The following SFXN1 variants were observed in gnomAD, a reference collection of about 807,000 sequenced individuals.
SFXN1 encodes sideroflexin 1.
Under a neutral mutation model 39.5 loss-of-function variants are expected in SFXN1, and 32 were observed. The observed-to-expected ratio is 0.81, with a 90% CI of 0.61 to 1.09. The LOEUF is 1.09. Ranked by LOEUF, SFXN1 falls within the 50% of genes least tolerant of loss-of-function variation. The pLI is 0.00. For synonymous variants in SFXN1, 136 were observed against 146.5 expected (o/e 0.93, Z 0.52); for missense variants, 402 against 407.1 (o/e 0.99, Z 0.11).
At chr5:175,507,045 G>A (rs558772432) in intron 2 of SFXN1, among the ~76,000 whole-genome samples, 22 of 152,272 alleles carry the variant, frequency 1.4e-4, no homozygotes, top group Admixed American at 1.2e-3. Context: ...TGATATCAAG[G>A]TGTCAACAGG....
intron 6 of SFXN1, 31 bp downstream of exon 6, chr5:175,512,227 A>G (rs1051135557): frequency 3.8e-6 from 6 of 1,584,266 alleles, no homozygotes; most frequent in Middle Eastern, 1.7e-4. Flanking sequence ...TAGTAGGGAC[A>G]TGTGCTTGAC....
intron 8 of SFXN1, 71 bp from the exon 9 acceptor site, chr5:175,521,848 A>G: frequency 1.6e-6 from 2 of 1,220,696 alleles, no homozygotes; most frequent in South Asian, 1.6e-5. Flanking sequence ...GGTTCCTTCC[A>G]GTTAATCAGA....
chr5:175,484,116 A>G (rs1759360294), intron 1 of SFXN1: 2 of 152,292 alleles, frequency 1.3e-5, no homozygotes, highest in African/African-American at 4.8e-5. Context: ...GCTGTGCAGC[A>G]TGACTTCCTC....
intron 2 of SFXN1, among the ~76,000 whole-genome samples, chr5:175,495,987 G>A (rs374173102): frequency 4.3e-4 from 61 of 143,436 alleles, no homozygotes; most frequent in Non-Finnish European, 7.0e-4. Context: ...AGCAACCTCC[G>A]CCTCCCAGGT....
At position 175,527,235 on chromosome 5, in the gene SFXN1, C is replaced by A. The variant is rs1184496094; in HGVS notation, c.*501C>A. On this transcript the variant is annotated 3_prime_UTR_variant, in exon 11 of 11. Transcript: ENST00000321442. ...ACCCTGAAATATTAAGGGCAGTTTG[C>A]TTCTAGTTTGGGGATTGCGCTAGCC... The A allele has an allele frequency of 6.5e-6, 1 of 153,938 alleles. No homozygotes were observed. Among genetic ancestry groups the A allele is most frequent in the Admixed American group, 6.4e-5 (1 of 15,632 alleles). The allele number at this position is 153,938 out of a possible 1,614,324, so 9.5% of individuals were successfully genotyped here. A position where few individuals can be genotyped will look rare whatever the true frequency, so the allele number is the denominator to read the frequency against.
rs1430669807 is a variant in SFXN1, at chr5:175,528,279, C to T, written c.*1545C>T. Reference sequence around the variant, plus strand: ...AATAATACAAATTTAAAAACCAATACAGTATAACAACTATTTACATAGTGC... The same window carrying T: ...AATAATACAAATTTAAAAACCAATATAGTATAACAACTATTTACATAGTGC... On this transcript the variant is annotated 3_prime_UTR_variant, in exon 11 of 11. Transcript: ENST00000321442. 1 of 152,038 alleles carries T rather than the reference C, an allele frequency of 6.6e-6. No homozygotes were observed. The highest frequency in any genetic ancestry group is 1.5e-5 in the Non-Finnish European group (1 of 68,000). The allele number at this position is 152,038 out of a possible 1,614,324, so 9.4% of individuals were successfully genotyped here. A position where few individuals can be genotyped will look rare whatever the true frequency, so the allele number is the denominator to read the frequency against.
chr5:175,508,892 C>G, intron 2 of SFXN1, 140 bp from the exon 3 acceptor site: 1 of 658,474 alleles, frequency 1.5e-6, no homozygotes, highest in Non-Finnish European at 2.5e-6. Flanking sequence ...GCCTCAGCCT[C>G]CCAAAGTGCT....
Position 175,480,752 on chromosome 5 carries a change from A to T in SFXN1, c.-10+2113A>T, listed in dbSNP as rs569046176. Among the ~76,000 whole-genome samples, 12 of 152,362 alleles carry T rather than the reference A, an allele frequency of 7.9e-5. No homozygotes were observed. In the East Asian group the frequency reaches 2.3e-3, roughly 29 times the overall value. On this transcript the variant is annotated intron_variant, in intron 1 of 10. Transcript: ENST00000321442. ...CAAAGGTGGTAAGAGCAGACCCGTC[A>T]TCAAACGTTGTTGTTCTGGAAGACT...
intron 8 of SFXN1, among the ~76,000 whole-genome samples, chr5:175,516,936 A>G (rs1237552418): frequency 6.6e-6 from 1 of 152,232 alleles, no homozygotes; most frequent in African/African-American, 2.4e-5. Context: ...AAAAATGAAG[A>G]GATGATGTGA....
At chr5:175,511,624 A>G in intron 5 of SFXN1, 98 bp downstream of exon 5, 8 of 948,558 alleles carry the variant, frequency 8.4e-6, no homozygotes, top group African/African-American at 1.6e-5. Flanking sequence ...TTCAAGTCAT[A>G]TGGCTTTCTT....
intron 2 of SFXN1, among the ~76,000 whole-genome samples, chr5:175,506,817 A>C (rs2652186): frequency 0.25 from 37,740 of 151,992 alleles, 6,466 homozygotes; most frequent in African/African-American, 0.48. Context: ...CAGTTGCCTG[A>C]CACTGCACTG....
intron 7 of SFXN1, among the ~76,000 whole-genome samples, chr5:175,515,362 G>T (rs1760682321): frequency 6.6e-6 from 1 of 152,278 alleles, no homozygotes; most frequent in Non-Finnish European, 1.5e-5. Flanking sequence ...ACTCCTCTTA[G>T]AGTTCAGCCA....
chr5:175,479,244 C>G (rs1759142453), intron 1 of SFXN1, among the ~76,000 whole-genome samples: 1 of 152,236 alleles, frequency 6.6e-6, no homozygotes, highest in South Asian at 2.1e-4. Context: ...GGTCTCTAAC[C>G]TGCCCAGAAT....
At chr5:175,490,413 A>G (rs1759613048) in intron 1 of SFXN1, among the ~76,000 whole-genome samples, 1 of 152,134 alleles carries the variant, frequency 6.6e-6, no homozygotes, top group African/African-American at 2.4e-5. Context: ...ACATCTGCAG[A>G]CCTAACATGC....
chr5:175,510,359 T>C, intron 4 of SFXN1, 152 bp downstream of exon 4: 1 of 656,460 alleles, frequency 1.5e-6, no homozygotes, highest in South Asian at 2.0e-5. Flanking sequence ...TTTTTCTTTT[T>C]TAAAGTAAAG....
rs528684084 is a variant in SFXN1 at position 175,478,758 on chromosome 5, C to T, written c.-10+119C>T. ...ACCCGCGGGCCGGCTGCGGGGAGAC[C>T]CCGGGCTCGGAGGTCGGAAGCCCCT... On this transcript the variant is annotated intron_variant, in intron 1 of 10. Coordinates refer to ENST00000321442, the MANE Select transcript of SFXN1 (RefSeq NM_022754.7). 1.3e-4 allele frequency: 20 copies of T among 152,182 alleles called. No individual in the cohort carries two copies. The East Asian group carries it at 3.7e-3, about 28-fold the overall frequency. 9.4% of individuals were successfully genotyped at this position (152,182 alleles called of 1,614,324 possible). A position where few individuals can be genotyped will look rare whatever the true frequency, so the allele number is the denominator to read the frequency against.
chr5:175,490,263 G>A (rs538594909), intron 1 of SFXN1, among the ~76,000 whole-genome samples: 3 of 152,304 alleles, frequency 2.0e-5, no homozygotes, highest in South Asian at 2.1e-4. Flanking sequence ...AAAGAGAACT[G>A]TTAGGACACC....
At chr5:175,512,304 G>A in intron 6 of SFXN1, 108 bp downstream of exon 6, 12 of 910,754 alleles carry the variant, frequency 1.3e-5, no homozygotes, top group Non-Finnish European at 2.0e-5. Flanking sequence ...ATGTATAGGT[G>A]AAATTATATG....
intron 1 of SFXN1, among the ~76,000 whole-genome samples, chr5:175,481,897 CCAG>C (rs1366333034): frequency 6.6e-6 from 1 of 152,178 alleles, no homozygotes; most frequent in African/African-American, 2.4e-5. Flanking sequence ...ATGCAGATGA[CCAG>C]CCCAACAGAA....
Sources: gnomAD v4.1 joint callset for allele counts (sites outside exome capture counted in the v4.1 genomes callset) on GRCh38, gnomAD v4.1.1 for gene constraint, MANE v1.5 for transcripts, NCBI Gene and HGNC (gene_info 2026-07-23, HGNC 2026-07-21) for gene names.